Variants in KANK1 observed in about 807,000 individuals in gnomAD.
The protein encoded by KANK1 is KN motif and ankyrin repeat domain-containing protein 1.
KANK1 carries 109 observed loss-of-function variants against 106.2 expected under a neutral mutation model. The observed-to-expected ratio is 1.03, with a 90% CI of 0.88 to 1.20. KANK1 has a LOEUF of 1.20. KANK1 is among the 50% of genes most tolerant of loss of function. KANK1 has a pLI of 0.00. For missense variants in KANK1, 2,399 were observed against 1,710.7 expected (o/e 1.40, Z -7.10); for synonymous variants, 873 against 652.2 (o/e 1.34, Z -5.16).
intron 10 of KANK1, 72 bp from the exon 11 acceptor site, chr9:744,419 G>C: frequency 6.5e-7 from 1 of 1,531,446 alleles, no homozygotes; most frequent in Non-Finnish European, 8.9e-7. Flanking sequence ...AGGGTGTTTT[G>C]TTCTGTTACC....
intron 3 of KANK1, among the ~76,000 whole-genome samples, chr9:728,267 C>A (rs1334170078): frequency 6.6e-6 from 1 of 151,670 alleles, no homozygotes. Context: ...ATGGCACGAT[C>A]TAGGCACTAC....
At chr9:571,465 C>T (rs1484461457) in intron 1 of KANK1, among the ~76,000 whole-genome samples, 2 of 151,836 alleles carry the variant, frequency 1.3e-5, no homozygotes, top group Non-Finnish European at 2.9e-5. Flanking sequence ...GAATGTATTG[C>T]TTGTTAAGAT....
chr9:569,696 A>T (rs1208926540), intron 1 of KANK1, among the ~76,000 whole-genome samples: 1 of 152,210 alleles, frequency 6.6e-6, no homozygotes, highest in Non-Finnish European at 1.5e-5. Flanking sequence ...CTTTTCTTTC[A>T]TCTAGACTTA....
At chr9:652,366 C>CA (rs1187509441) in intron 1 of KANK1, among the ~76,000 whole-genome samples, 1 of 151,934 alleles carries the variant, frequency 6.6e-6, no homozygotes, top group Non-Finnish European at 1.5e-5. Flanking sequence ...ACTAAAAATA[C>CA]AAAAAAATTA....
chr9:634,740 C>CAAG (rs1343623620), intron 1 of KANK1, among the ~76,000 whole-genome samples: 1 of 152,176 alleles, frequency 6.6e-6, no homozygotes, highest in Non-Finnish European at 1.5e-5. Context: ...AATGAACCAG[C>CAAG]CTGTGAGGCC....
At chr9:608,727 G>C (rs1447774487) in intron 1 of KANK1, among the ~76,000 whole-genome samples, 1 of 152,136 alleles carries the variant, frequency 6.6e-6, no homozygotes, top group Non-Finnish European at 1.5e-5. Context: ...ATTAGGGTGT[G>C]GCTGACGAAC....
At chr9:520,386 T>A (rs1201275145) in intron 1 of KANK1, among the ~76,000 whole-genome samples, 1 of 151,514 alleles carries the variant, frequency 6.6e-6, no homozygotes, top group Admixed American at 6.6e-5. Flanking sequence ...TCATTCATAG[T>A]TATTAACACT....
chr9:471,351 A>G (rs949571245), intron 2 of KANK1: 1 of 152,514 alleles, frequency 6.6e-6, no homozygotes, highest in Non-Finnish European at 1.5e-5. Context: ...CTGAGGGCAC[A>G]AAGGAAGGAA....
rs1030181788 is a variant in KANK1, at chr9:494,121, T to A, written c.-362+20848T>A. On this transcript the variant is annotated intron_variant, in intron 3 of 15. Transcript: ENST00000382303. The stretch of plus-strand genomic sequence containing the variant: ...TGGTCTGGAACTCCTGACCTCGTGA[T>A]CCGCCTGCCTTGACCTCCCAAAGTG... Among the ~76,000 whole-genome samples the A allele has an allele frequency of 2.0e-5, 3 of 152,018 alleles. No homozygotes were observed. The East Asian group carries it at 5.8e-4, about 29-fold the overall frequency.
chr9:518,495 G>A (rs1052693498), intron 1 of KANK1, among the ~76,000 whole-genome samples: 4 of 151,654 alleles, frequency 2.6e-5, no homozygotes, highest in Non-Finnish European at 4.4e-5. Context: ...TGTAGGGGAG[G>A]GGTTCGGAGC....
chr9:660,058 G>A (rs976363079), intron 1 of KANK1: 2 of 406,830 alleles, frequency 4.9e-6, no homozygotes, highest in Non-Finnish European at 4.9e-6. Context: ...CTGTCCTGCT[G>A]GCACTGAGGA....
chr9:562,896 G>A (rs990817486), intron 1 of KANK1, among the ~76,000 whole-genome samples: 3 of 152,094 alleles, frequency 2.0e-5, no homozygotes, highest in African/African-American at 7.2e-5. Flanking sequence ...AATGAAATTA[G>A]CATTTCATTG....
intron 1 of KANK1, chr9:673,870 G>A (rs371043190): frequency 6.6e-6 from 1 of 152,014 alleles, no homozygotes; most frequent in East Asian, 1.9e-4. Flanking sequence ...GGCTAGCAAG[G>A]GGCCAGTAAA....
At chr9:477,555 T>C (rs1430195815) in intron 3 of KANK1, among the ~76,000 whole-genome samples, 1 of 152,138 alleles carries the variant, frequency 6.6e-6, no homozygotes, top group Admixed American at 6.5e-5. Context: ...ACCAAGGGAA[T>C]GTCAGGGGAA....
intron 1 of KANK1, among the ~76,000 whole-genome samples, chr9:592,229 T>C (rs2642003): frequency 0.72 from 109,084 of 151,626 alleles, 40,087 homozygotes; most frequent in Non-Finnish European, 0.78. Flanking sequence ...GGTTAGATAA[T>C]AAGGGGATGT....
At chr9:672,401 A>G (rs957250115) in intron 1 of KANK1, among the ~76,000 whole-genome samples, 1 of 152,224 alleles carries the variant, frequency 6.6e-6, no homozygotes, top group African/African-American at 2.4e-5. Context: ...TGTGTCTTAT[A>G]ATGAATGTAA....
chr9:598,425 C>T lies in KANK1; in HGVS notation c.-83-78465C>T, dbSNP rs150759123. Among the ~76,000 whole-genome samples, 14 of 151,326 alleles carry T rather than the reference C, an allele frequency of 9.3e-5. No individual in the cohort carries two copies. In the East Asian group the frequency reaches 1.6e-3, roughly 17 times the overall value. On this transcript the variant is annotated intron_variant, in intron 1 of 11. Coordinates refer to ENST00000382297, the MANE Select transcript of KANK1 (RefSeq NM_015158.5). ...GCTGTTGGAGTTTTGATAAGGAGTA[C>T]ATTGAATCTGCAGATTATTTGGAGT...
intron 2 of KANK1, among the ~76,000 whole-genome samples, chr9:709,565 C>T (rs574464438): frequency 6.6e-5 from 10 of 151,080 alleles, no homozygotes; most frequent in Non-Finnish European, 1.3e-4. Flanking sequence ...TTCCAAGAGA[C>T]TGTAGATGAC....
chr9:499,690 CTT>C (rs1464013859), intron 3 of KANK1, among the ~76,000 whole-genome samples: 1 of 152,154 alleles, frequency 6.6e-6, no homozygotes, highest in Non-Finnish European at 1.5e-5. Flanking sequence ...GAAGGGGAAA[CTT>C]TTTTACCTGT....
Sources: allele counts gnomAD v4.1 joint callset (sites outside exome capture counted in the v4.1 genomes callset), GRCh38; gene constraint gnomAD v4.1.1; transcripts MANE v1.5; gene names NCBI Gene and HGNC (gene_info 2026-07-23, HGNC 2026-07-21).